Variants in CSMD1 observed in about 807,000 individuals in gnomAD.
The protein encoded by CSMD1 is CUB and sushi domain-containing protein 1.
Under a neutral mutation model 417.5 loss-of-function variants are expected in CSMD1, and 213 were observed. The observed-to-expected ratio is 0.51, with a 90% CI of 0.46 to 0.57. CSMD1 has a LOEUF of 0.57. CSMD1 is among the 20% of genes least tolerant of loss of function. CSMD1 has a pLI of 0.00. For missense variants in CSMD1, 6,923 were observed against 4,529.7 expected, an observed-to-expected ratio of 1.53 and a Z score of -15.17; for synonymous variants, 2,862 against 1,736.8, an observed-to-expected ratio of 1.65 and a Z score of -16.11.
chr8:4,224,991 A>T (rs1285262281), intron 3 of CSMD1, among the ~76,000 whole-genome samples: 1 of 152,182 alleles, frequency 6.6e-6, no homozygotes. Flanking sequence ...GTGCACCTGA[A>T]ATCCCAGCTA....
chr8:3,159,314 A>G (rs566641153), intron 38 of CSMD1, among the ~76,000 whole-genome samples: 1 of 152,334 alleles, frequency 6.6e-6, no homozygotes, highest in Non-Finnish European at 1.5e-5. Flanking sequence ...AATCAAAACA[A>G]GATAGGACCC....
intron 26 of CSMD1, among the ~76,000 whole-genome samples, chr8:3,271,066 T>A (rs1801814657): frequency 6.8e-6 from 1 of 147,894 alleles, no homozygotes; most frequent in African/African-American, 2.5e-5. Context: ...CTCCCAATGC[T>A]GTCCTTCCCC....
chr8:3,651,967 C>T (rs568732995), intron 7 of CSMD1, among the ~76,000 whole-genome samples: 3 of 151,800 alleles, frequency 2.0e-5, no homozygotes, highest in Non-Finnish European at 4.4e-5. Flanking sequence ...GCGCCATCAC[C>T]ACCAGAGCGC....
At chr8:4,678,884 G>C (rs2130969832) in intron 1 of CSMD1, among the ~76,000 whole-genome samples, 1 of 152,198 alleles carries the variant, frequency 6.6e-6, no homozygotes, top group Admixed American at 6.5e-5. Flanking sequence ...ATTGTAAAAA[G>C]TTTACAAACA....
intron 5 of CSMD1, among the ~76,000 whole-genome samples, chr8:3,994,641 T>C (rs557291674): frequency 5.9e-5 from 9 of 152,154 alleles, no homozygotes; most frequent in African/African-American, 2.2e-4. Context: ...AAAGTCAGTT[T>C]CAACTAATGT....
chr8:4,739,058 T>C (rs1442641621), intron 1 of CSMD1, among the ~76,000 whole-genome samples: 1 of 152,176 alleles, frequency 6.6e-6, no homozygotes, highest in African/African-American at 2.4e-5. Context: ...GATATATTCT[T>C]TTTAAACACA....
intron 1 of CSMD1, among the ~76,000 whole-genome samples, chr8:4,831,365 C>T (rs1462431784): frequency 6.6e-6 from 1 of 152,122 alleles, no homozygotes; most frequent in Non-Finnish European, 1.5e-5. Flanking sequence ...CATCCTTATT[C>T]TTATGAATAA....
intron 3 of CSMD1, among the ~76,000 whole-genome samples, chr8:4,271,188 G>A (rs1245183572): frequency 6.6e-6 from 1 of 151,998 alleles, no homozygotes; most frequent in Non-Finnish European, 1.5e-5. Context: ...TTTCATTTAT[G>A]GATAGATGTA....
chr8:4,962,237 GACTC>G (rs1809547068), intron 1 of CSMD1, among the ~76,000 whole-genome samples: 1 of 150,936 alleles, frequency 6.6e-6, no homozygotes, highest in African/African-American at 2.4e-5. Flanking sequence ...TGGAGACAGA[GACTC>G]ACTCTGTCAC....
chr8:2,942,510 T>G lies in CSMD1; in HGVS notation c.10497A>C (p.Leu3499=), dbSNP rs541781609. 4 of 1,612,758 alleles carry G rather than the reference T, an allele frequency of 2.5e-6. No individual in the cohort carries two copies. Among genetic ancestry groups the G allele is most frequent in the Admixed American group, 1.7e-5 (1 of 59,916 alleles). The change falls in exon 69 of 70, where the codon CTA becomes CTC. Residue 3499 remains leucine, a synonymous_variant. Transcript: ENST00000635120. ...GGTAAAATGCAAACCCTGATAAAAT[T>G]AGAGCAAAGAAAGGAACCAGAATGG... is the stretch of plus-strand genomic sequence containing the variant. The part of the protein sequence containing the change: ...AAAILVPFFA[L]ILSGFAFYLY...
chr8:3,468,735 G>C lies in CSMD1; in HGVS notation c.1538C>G (p.Pro513Arg), dbSNP rs749926369. The part of the protein sequence containing the change: ...HLQSDDSIGS[P>R]GFKAVYQEIE... ...ACCTTGGTAAACAGCTTTAAACCCA[G>C]GTGAGCCAATGCTATCATCCGACTG... The change falls in exon 12 of 70, where the codon CCT becomes CGT. Residue 513 changes from proline to arginine, a missense_variant. Pro to Arg is a moderately radical substitution (Grantham distance 103). Transcript: ENST00000635120. 4 of 1,604,940 alleles carry C rather than the reference G, an allele frequency of 2.5e-6. No individual in the cohort carries two copies. In the Admixed American group the frequency reaches 5.1e-5, roughly 20 times the overall value.
intron 1 of CSMD1, among the ~76,000 whole-genome samples, chr8:4,828,518 TC>T: frequency 6.6e-6 from 1 of 152,118 alleles, no homozygotes; most frequent in Non-Finnish European, 1.5e-5. Context: ...CACCTATTGG[TC>T]CTTTATTGCC....
chr8:2,949,312 C>T lies in CSMD1; in HGVS notation c.10389G>A (p.Lys3463=). 1.9e-6 allele frequency: 3 copies of T among 1,601,636 alleles called. No individual in the cohort carries two copies. The South Asian group carries it at 3.3e-5, about 18-fold the overall frequency. Reference sequence around the variant, plus strand: ...AGTGCAACTTACCTTGCCTTTCTAGCTTAAATTTTCCAAAGTCTTTTCCAT... The same window carrying T: ...AGTGCAACTTACCTTGCCTTTCTAGTTTAAATTTTCCAAAGTCTTTTCCAT... ...DIHGKDFGKF[K]LERQDPLNPD... Residue 3463 remains lysine, a synonymous_variant, in exon 68 of 70, where the codon AAG becomes AAA. Transcript: ENST00000635120.
intron 3 of CSMD1, among the ~76,000 whole-genome samples, chr8:4,111,973 G>GT (rs1301473453): frequency 6.6e-6 from 1 of 151,526 alleles, no homozygotes; most frequent in Non-Finnish European, 1.5e-5. Context: ...TACATACATA[G>GT]TTTTTTATTG....
intron 7 of CSMD1, among the ~76,000 whole-genome samples, chr8:3,661,293 G>C (rs1397743430): frequency 6.6e-6 from 1 of 152,146 alleles, no homozygotes; most frequent in Admixed American, 6.5e-5. Context: ...ACCCTGCTGA[G>C]CGTTCAAACT....
At chr8:4,770,580 G>A (rs1796548276) in intron 1 of CSMD1, among the ~76,000 whole-genome samples, 1 of 151,800 alleles carries the variant, frequency 6.6e-6, no homozygotes, top group Non-Finnish European at 1.5e-5. Context: ...CAAAGTTATA[G>A]TAATCAAAAC....
At chr8:3,972,124 G>T (rs1411691958) in intron 5 of CSMD1, among the ~76,000 whole-genome samples, 2 of 152,124 alleles carry the variant, frequency 1.3e-5, no homozygotes, top group Non-Finnish European at 2.9e-5. Flanking sequence ...TCCTGCCTGG[G>T]ACGGCGAAAG....
At chr8:3,293,412 G>A (rs934857126) in intron 25 of CSMD1, among the ~76,000 whole-genome samples, 8 of 152,162 alleles carry the variant, frequency 5.3e-5, no homozygotes, top group Non-Finnish European at 1.0e-4. Context: ...TTAATATCCT[G>A]CAGAGTGTTT....
chr8:3,921,861 C>T (rs11781306), intron 5 of CSMD1, among the ~76,000 whole-genome samples: 3 of 152,212 alleles, frequency 2.0e-5, no homozygotes, highest in East Asian at 3.9e-4. Context: ...TATGCTGCTG[C>T]TGTGGTCTGG....
Sources: allele counts gnomAD v4.1 joint callset (sites outside exome capture counted in the v4.1 genomes callset), GRCh38; gene constraint gnomAD v4.1.1; transcripts MANE v1.5; gene names NCBI Gene and HGNC (gene_info 2026-07-23, HGNC 2026-07-21).